Variants in UGT1A5 observed in about 807,000 individuals in gnomAD.
UGT1A5 encodes UDP glucuronosyltransferase family 1 member A5, also known as UDP-glucuronosyltransferase 1A5.
Under a neutral mutation model 40.3 loss-of-function variants are expected in UGT1A5, and 29 were observed. That is an observed-to-expected ratio of 0.72 (90% CI 0.54 to 0.98). The LOEUF is 0.98. UGT1A5 is among the 50% of genes least tolerant of loss of function. The pLI, the probability that UGT1A5 is intolerant of heterozygous loss-of-function variation, is 0.00. For missense variants in UGT1A5, 678 were observed against 677.9 expected, an observed-to-expected ratio of 1.00 and a Z score of 0.00; for synonymous variants, 257 against 262.5, an observed-to-expected ratio of 0.98 and a Z score of 0.20.
intron 1 of UGT1A5, among the ~76,000 whole-genome samples, chr2:233,757,460 G>A (rs34757826): frequency 4.7e-5 from 7 of 149,338 alleles, no homozygotes; most frequent in Non-Finnish European, 7.4e-5. Context: ...TGTCCAGAGC[G>A]CTTACTGTCT....
At chr2:233,761,168 G>A in intron 1 of UGT1A5, 1 of 1,614,168 alleles carries the variant, frequency 6.2e-7, no homozygotes, top group Non-Finnish European at 8.5e-7. Context: ...ATTGGAGTGG[G>A]ACTTTTACAT....
chr2:233,763,026 C>T (rs1324231755), intron 1 of UGT1A5, among the ~76,000 whole-genome samples: 1 of 152,138 alleles, frequency 6.6e-6, no homozygotes, highest in African/African-American at 2.4e-5. Flanking sequence ...TTATGTTAGC[C>T]ATTGTTTTCT....
In UGT1A5 at chr2:233,713,202, GA is replaced by G; in HGVS notation, c.213del (p.Glu72ArgfsTer6). Reference sequence around the variant, plus strand: ...CCTGGAGGTGAATATGTACATCAAAGAAGAGAACTTTTTCACCCTGACAACG... The same window carrying G: ...CCTGGAGGTGAATATGTACATCAAAGAGAGAACTTTTTCACCCTGACAACG... The part of the protein sequence containing the change: ...LTLEVNMYIK[E>X]ENFFTLTTYA... On this transcript the variant is annotated frameshift_variant, in exon 1 of 5. Coordinates refer to ENST00000373414, the MANE Select transcript of UGT1A5 (RefSeq NM_019078.2). LOFTEE classifies it high-confidence loss of function. The G allele has an allele frequency of 6.2e-7, 1 of 1,614,240 alleles. No individual in the cohort carries two copies. The highest frequency in any genetic ancestry group is 8.5e-7 in the Non-Finnish European group (1 of 1,180,030).
At position 233,764,188 on chromosome 2, in the gene UGT1A5, A is replaced by G. The variant is rs1395608589; in HGVS notation, c.868-2846A>G. ...TCAGAACAGGGAAATTCTCTCATTCAGGGGCATCTCATCTTTTCTTTGAAG... is the reference window on the plus strand; with the variant it reads ...TCAGAACAGGGAAATTCTCTCATTCGGGGGCATCTCATCTTTTCTTTGAAG... On this transcript the variant is annotated intron_variant, in intron 1 of 4. Transcript: ENST00000373414. Among the ~76,000 whole-genome samples, 3 of 152,296 alleles carry G rather than the reference A, an allele frequency of 2.0e-5. No individual in the cohort carries two copies. The East Asian group carries it at 5.8e-4, about 29-fold the overall frequency.
At chr2:233,730,586 G>A (rs2078050719) in intron 1 of UGT1A5, among the ~76,000 whole-genome samples, 1 of 152,116 alleles carries the variant, frequency 6.6e-6, no homozygotes, top group Admixed American at 6.6e-5. Context: ...TTCCAGACAG[G>A]GATCTGTGCT....
At chr2:233,765,965 G>A (rs926314619) in intron 1 of UGT1A5, among the ~76,000 whole-genome samples, 1 of 152,142 alleles carries the variant, frequency 6.6e-6, no homozygotes, top group Admixed American at 6.5e-5. Flanking sequence ...AGTGTCTAGA[G>A]GTGGATGTTT....
rs909756512 is a variant in UGT1A5 at position 233,724,934 on chromosome 2, C to T, written c.867+11076C>T. On this transcript the variant is annotated intron_variant, in intron 1 of 4. Coordinates refer to ENST00000373414, the MANE Select transcript of UGT1A5 (RefSeq NM_019078.2). ...ATTGAGCACTGAGTGAACGAGACTCCGTCTGCAATCCCGGCACCTCGGGAG... is the reference window on the plus strand; with the variant it reads ...ATTGAGCACTGAGTGAACGAGACTCTGTCTGCAATCCCGGCACCTCGGGAG... 1.0e-4 allele frequency among the ~76,000 whole-genome samples: 15 copies of T among 143,608 alleles called. 1 individual carries two copies. The highest frequency in any genetic ancestry group is 2.5e-4 in the South Asian group (1 of 4,034). 94.2% of individuals were successfully genotyped at this position (143,608 alleles called of 152,430 possible).
intron 1 of UGT1A5, chr2:233,752,671 G>C (rs764603463): frequency 6.6e-6 from 1 of 152,170 alleles, no homozygotes; most frequent in Non-Finnish European, 1.5e-5. Flanking sequence ...AGGATCACTT[G>C]AGCCCAGAAA....
chr2:233,760,243 T>TAC (rs1697369137), intron 1 of UGT1A5: 1 of 1,608,014 alleles, frequency 6.2e-7, no homozygotes, highest in African/African-American at 1.3e-5. Flanking sequence ...CATATATATA[T>TAC]ATATAAGTAG....
At chr2:233,750,678 C>T (rs1368928453) in intron 1 of UGT1A5, 1 of 151,600 alleles carries the variant, frequency 6.6e-6, no homozygotes, top group Admixed American at 6.5e-5. Context: ...CCCAGTGGCT[C>T]CAGCCATGGC....
intron 1 of UGT1A5, chr2:233,743,987 G>A (rs576123874): frequency 1.6e-6 from 2 of 1,278,832 alleles, no homozygotes; most frequent in East Asian, 4.9e-5. Flanking sequence ...CCAGGCGCAG[G>A]CCCGAGTGCT....
At chr2:233,765,730 T>TAATAAA (rs1427774434) in intron 1 of UGT1A5, among the ~76,000 whole-genome samples, 195 of 150,280 alleles carry the variant, frequency 1.3e-3, no homozygotes, top group Admixed American at 3.5e-3. Context: ...ATAATAATAA[T>TAATAAA]AAATAAACCC....
At chr2:233,724,576 G>A (rs1380708117) in intron 1 of UGT1A5, among the ~76,000 whole-genome samples, 1 of 128,988 alleles carries the variant, frequency 7.8e-6, no homozygotes, top group South Asian at 3.2e-4. Flanking sequence ...GCGGGGCAGA[G>A]GCGCTCCCCA....
At chr2:233,720,076 G>A (rs1239558691) in intron 1 of UGT1A5, among the ~76,000 whole-genome samples, 1 of 152,116 alleles carries the variant, frequency 6.6e-6, no homozygotes, top group African/African-American at 2.4e-5. Context: ...TTAGAATTGT[G>A]GACATGATAA....
rs200734586 is a variant in UGT1A5 at position 233,760,641 on chromosome 2, G to T, written c.868-6393G>T. ...TCAAAACATACAAGAAAATAAAAAA[G>T]GACTCTGCTATGCTTTTGTCTGGCT... On this transcript the variant is annotated intron_variant, in intron 1 of 4. Transcript: ENST00000373414. The T allele has an allele frequency of 1.5e-4, 243 of 1,614,044 alleles. No individual in the cohort carries two copies. The highest frequency in any genetic ancestry group is 2.0e-4 in the Non-Finnish European group (236 of 1,180,030).
At chr2:233,765,999 C>T (rs1036845415) in intron 1 of UGT1A5, among the ~76,000 whole-genome samples, 2 of 151,990 alleles carry the variant, frequency 1.3e-5, no homozygotes, top group Non-Finnish European at 1.5e-5. Flanking sequence ...CTCCAGTGGG[C>T]GTGGGTTATG....
At chr2:233,760,783 C>T in intron 1 of UGT1A5, 1 of 1,613,870 alleles carries the variant, frequency 6.2e-7, no homozygotes, top group Non-Finnish European at 8.5e-7. Flanking sequence ...GTACCTGTCT[C>T]TGCCCACTGT....
rs797046090 is a variant in UGT1A5, at chr2:233,760,524, C to CCGTA, written c.868-6509_868-6508insGTAC. ...GAGCATTTTACACCTTGAAGACGTA[C>CCGTA]CCTGTGCCATTCCAAAGGGAGGATG... On this transcript the variant is annotated intron_variant, in intron 1 of 4. Coordinates refer to ENST00000373414, the MANE Select transcript of UGT1A5 (RefSeq NM_019078.2). The CCGTA allele has an allele frequency of 6.2e-7, 1 of 1,614,240 alleles. No homozygotes were observed. The highest frequency in any genetic ancestry group is 1.6e-4 in the Middle Eastern group (1 of 6,062).
chr2:233,743,730 C>A (rs189214805), intron 1 of UGT1A5: 9 of 1,367,384 alleles, frequency 6.6e-6, no homozygotes, highest in East Asian at 4.5e-5. Context: ...TCATAGATAT[C>A]GCGTTTCTTG....
Sources: gnomAD v4.1 joint callset for allele counts (sites outside exome capture counted in the v4.1 genomes callset) on GRCh38, gnomAD v4.1.1 for gene constraint, MANE v1.5 for transcripts, NCBI Gene and HGNC (gene_info 2026-07-23, HGNC 2026-07-21) for gene names.